VGLL1: variants seen among roughly 807,000 people sequenced by gnomAD.
VGLL1 encodes transcription cofactor vestigial-like protein 1.
Under a neutral mutation model 12.0 loss-of-function variants are expected in VGLL1, and 4 were observed. The observed-to-expected ratio is 0.33, with a 90% confidence interval of 0.16 to 0.76. VGLL1 has a LOEUF of 0.76. Ranked by LOEUF, VGLL1 falls within the 30% of genes least tolerant of loss-of-function variation. The pLI is 0.60. For missense variants in VGLL1, 204 were observed against 208.7 expected, an observed-to-expected ratio of 0.98 and a Z score of 0.14; for synonymous variants, 87 against 81.2, an observed-to-expected ratio of 1.07 and a Z score of -0.39.
intron 2 of VGLL1, among the ~76,000 whole-genome samples, chrX:136,541,598 G>T (rs1468182488): frequency 8.9e-6 from 1 of 111,971 alleles, no homozygotes; most frequent in African/African-American, 3.2e-5. Flanking sequence ...AATCTTTCAA[G>T]TGGCCTTTCA....
chrX:136,548,551 T>C (rs764851698), intron 2 of VGLL1, 38 bp from the exon 3 acceptor site: 26 of 1,165,036 alleles, frequency 2.2e-5, no homozygotes. Context: ...TTGAAAACAA[T>C]AAACACCTAA....
intron 1 of VGLL1, among the ~76,000 whole-genome samples, chrX:136,533,196 C>T (rs1277141903): frequency 9.0e-6 from 1 of 111,493 alleles, no homozygotes; most frequent in African/African-American, 3.3e-5. Context: ...GCTTGTGAGC[C>T]GATCCAGAGA....
At chrX:136,532,607 TTCTTTCTTTCTTTC>T (rs2075826643) in intron 1 of VGLL1, among the ~76,000 whole-genome samples, 1 of 87,200 alleles carries the variant, frequency 1.1e-5, no homozygotes, top group Non-Finnish European at 2.2e-5. Flanking sequence ...CTTTCTTTCT[TTCTTTCTTTCTTTC>T]TTTCTTTCTT....
Position 136,548,695 on chromosome X carries a change from T to C in VGLL1, c.321T>C (p.Pro107=). The C allele has an allele frequency of 8.2e-7, 1 of 1,212,134 alleles. No individual in the cohort carries two copies. The highest frequency in any genetic ancestry group is 1.8e-5 in the South Asian group (1 of 56,997). Residue 107 remains proline (P), a synonymous_variant, in exon 3 of 5, where the codon CCT becomes CCC. Transcript: ENST00000370634. ...NRAANCNLHV[P]GPMAVNQFSP... ...CCGCCAACTGCAACTTGCATGTGCCTGGTCCCATGGCTGTGAATCAGTTCT... is the reference window on the plus strand; with the variant it reads ...CCGCCAACTGCAACTTGCATGTGCCCGGTCCCATGGCTGTGAATCAGTTCT...
chrX:136,550,689 C>T, intron 3 of VGLL1, 79 bp from the exon 4 acceptor site: 1 of 782,835 alleles, frequency 1.3e-6, no homozygotes, highest in South Asian at 2.4e-5. Context: ...CAATGTGGGG[C>T]CCCTGGAATG....
At chrX:136,539,245 G>A (rs1301077829) in intron 2 of VGLL1, among the ~76,000 whole-genome samples, 1 of 111,721 alleles carries the variant, frequency 9.0e-6, no homozygotes, top group African/African-American at 3.3e-5. Flanking sequence ...ACCCAAGCTG[G>A]GATAAAACCA....
At chrX:136,550,953 T>A (rs1291913202) in intron 4 of VGLL1, 132 bp downstream of exon 4, 1 of 553,720 alleles carries the variant, frequency 1.8e-6, no homozygotes, top group Admixed American at 3.3e-5. Context: ...GACGGGAGCC[T>A]TATTTCTATC....
chrX:136,542,733 T>C (rs1045364666), intron 2 of VGLL1, among the ~76,000 whole-genome samples: 2 of 111,871 alleles, frequency 1.8e-5, no homozygotes, highest in African/African-American at 3.3e-5. Context: ...AGCCAGTGAG[T>C]GATAAAGATT....
intron 2 of VGLL1, among the ~76,000 whole-genome samples, chrX:136,542,004 C>T (rs1221831941): frequency 2.7e-5 from 3 of 110,726 alleles, no homozygotes; most frequent in East Asian, 2.9e-4. Context: ...GGTCCTGGTA[C>T]GTATGCCACC....
chrX:136,538,860 C>A (rs1360901955), intron 2 of VGLL1, among the ~76,000 whole-genome samples: 1 of 99,328 alleles, frequency 1.0e-5, no homozygotes, highest in Non-Finnish European at 2.0e-5. Flanking sequence ...CATGGGGTAG[C>A]AGCAGATACT....
At chrX:136,552,355 A>G (rs912093125) in intron 4 of VGLL1, among the ~76,000 whole-genome samples, 1 of 112,245 alleles carries the variant, frequency 8.9e-6, no homozygotes, top group Non-Finnish European at 1.9e-5. Flanking sequence ...CAGGCATCAC[A>G]TAAGTCCCTG....
chrX:136,545,755 T>C (rs1017686865), intron 2 of VGLL1, among the ~76,000 whole-genome samples: 2 of 111,364 alleles, frequency 1.8e-5, no homozygotes, highest in African/African-American at 6.6e-5. Context: ...GGCAAACTCA[T>C]AAGTGCCTGA....
chrX:136,535,349 T>G (rs1383301313), intron 1 of VGLL1, among the ~76,000 whole-genome samples: 1 of 112,184 alleles, frequency 8.9e-6, no homozygotes. Flanking sequence ...AAATGTTTTT[T>G]TGTACATCTG....
Position 136,536,197 on chromosome X carries a change from C to A in VGLL1, c.177C>A (p.Thr59=). 1.7e-6 allele frequency: 2 copies of A among 1,210,734 alleles called. No individual in the cohort carries two copies. The highest frequency in any genetic ancestry group is 5.9e-5 in the East Asian group (2 of 33,825). The part of the protein sequence containing the change: ...LSNIKSPQEL[T]PSSQSEGVML... The stretch of plus-strand genomic sequence containing the variant: ...ATATCAAGAGCCCCCAGGAATTGAC[C>A]CCCTCGAGTCAGAGTGAAGGTGTGA... Residue 59 remains threonine, a synonymous_variant, in exon 2 of 5, where the codon ACC becomes ACA. Transcript: ENST00000370634.
chrX:136,546,876 C>T (rs180892094), intron 2 of VGLL1, among the ~76,000 whole-genome samples: 1 of 112,842 alleles, frequency 8.9e-6, no homozygotes, highest in Non-Finnish European at 1.9e-5. Context: ...CTCACCAAAA[C>T]AAATCTTAAT....
In VGLL1 at chrX:136,532,456, C is replaced by T. The variant is rs148499218; in HGVS notation, c.-26+160C>T. 6.2e-3 allele frequency among the ~76,000 whole-genome samples: 687 copies of T among 111,630 alleles called. 5 individuals carry two copies. The highest frequency in any genetic ancestry group is 0.021 in the African/African-American group (650 of 30,760). On this transcript the variant is annotated intron_variant, in intron 1 of 4. Transcript: ENST00000370634. ...TTTGACAAACTAACCCCTCTGACTT[C>T]CCACCCTACCCCAGACTGCTAGGTA...
chrX:136,535,814 T>C (rs2075837970), intron 1 of VGLL1, among the ~76,000 whole-genome samples, 182 bp from the exon 2 acceptor site: 1 of 111,361 alleles, frequency 9.0e-6, no homozygotes, highest in Non-Finnish European at 1.9e-5. Context: ...TGAAGACTGA[T>C]TAGACAAGGC....
intron 2 of VGLL1, among the ~76,000 whole-genome samples, chrX:136,545,726 G>A (rs2075867865): frequency 9.0e-6 from 1 of 111,423 alleles, no homozygotes; most frequent in African/African-American, 3.3e-5. Context: ...AAAGTGGAGG[G>A]AAGGTACTCT....
At chrX:136,555,690 A>G (rs960727691) in intron 4 of VGLL1, among the ~76,000 whole-genome samples, 1 of 112,329 alleles carries the variant, frequency 8.9e-6, no homozygotes, top group Non-Finnish European at 1.9e-5. Flanking sequence ...ACTAAAAAGT[A>G]CTAATCTAAT....
Sources: allele counts gnomAD v4.1 joint callset (sites outside exome capture counted in the v4.1 genomes callset), GRCh38; gene constraint gnomAD v4.1.1; transcripts MANE v1.5; gene names NCBI Gene and HGNC (gene_info 2026-07-23, HGNC 2026-07-21).